NRXN1: variants seen among roughly 807,000 people sequenced by gnomAD.
The protein encoded by NRXN1 is neurexin-1.
In NRXN1, 39 loss-of-function variants were observed where a neutral mutation model predicts 150.9. The observed-to-expected ratio is 0.26, with a 90% CI of 0.20 to 0.34. The LOEUF (loss-of-function observed/expected upper bound fraction) is 0.34. NRXN1 is among the 10% of genes least tolerant of loss of function. The probability of loss-of-function intolerance (pLI) is 1.00; values close to 1 mark genes in which losing one functional copy is unlikely to be tolerated. For synonymous variants in NRXN1, 924 were observed against 757.0 expected (o/e 1.22, Z -3.62); for missense variants, 1,815 against 1,949.9 (o/e 0.93, Z 1.30).
intron 21 of NRXN1, among the ~76,000 whole-genome samples, chr2:49,986,022 T>C (rs1680846039): frequency 6.6e-6 from 1 of 152,184 alleles, no homozygotes. Context: ...CTTTATACTC[T>C]GAAGACCACT....
At chr2:50,384,216 T>C (rs1285725421) in intron 17 of NRXN1, among the ~76,000 whole-genome samples, 3 of 152,130 alleles carry the variant, frequency 2.0e-5, no homozygotes, top group African/African-American at 4.8e-5. Context: ...CTTTAAACAA[T>C]GCATTCTCAG....
In NRXN1 at chr2:50,617,019, G is replaced by T. The variant is rs976289444; in HGVS notation, c.1320+3003C>A. ...ACTTCACAAAGCTGACCTATTTGAAGTAGGGTGATTTAACTCACAATCCAT... is the reference window on the plus strand; with the variant it reads ...ACTTCACAAAGCTGACCTATTTGAATTAGGGTGATTTAACTCACAATCCAT... On this transcript the variant is annotated intron_variant, in intron 8 of 22. Transcript: ENST00000401669. 2.6e-5 allele frequency among the ~76,000 whole-genome samples: 4 copies of T among 152,144 alleles called. No individual in the cohort carries two copies. In the South Asian group the frequency reaches 6.2e-4, roughly 24 times the overall value.
chr2:50,011,744 C>G (rs753785384), intron 21 of NRXN1, among the ~76,000 whole-genome samples: 1 of 152,030 alleles, frequency 6.6e-6, no homozygotes, highest in Non-Finnish European at 1.5e-5. Flanking sequence ...CAAGATTCCT[C>G]TTCTTTAAAT....
At chr2:50,714,792 C>T (rs1695651505) in intron 5 of NRXN1, among the ~76,000 whole-genome samples, 1 of 152,120 alleles carries the variant, frequency 6.6e-6, no homozygotes, top group African/African-American at 2.4e-5. Flanking sequence ...GAGTCAGGAT[C>T]CCTAGCTCCA....
chr2:50,578,208 C>T (rs1671728049), intron 8 of NRXN1, among the ~76,000 whole-genome samples: 1 of 152,092 alleles, frequency 6.6e-6, no homozygotes, highest in Admixed American at 6.5e-5. Context: ...AGCCCTTGAA[C>T]AAAACTAAAC....
In NRXN1 at chr2:50,620,121, C is replaced by G; in HGVS notation, c.1221G>C (p.Met407Ile). ...CATAGAAAAAGTCATCAGACCCCAG[C>G]ATGGTATAATCTTCTTGCGTGTAGC... Reference protein sequence around the residue: ...TTGYTQEDYTMLGSDDFFYVG... With the variant: ...TTGYTQEDYTILGSDDFFYVG... The change falls in exon 8 of 23, where the codon ATG (methionine) becomes ATC (isoleucine). Residue 407 changes from methionine (M) to isoleucine (I), a missense_variant. This residue lies in a region of NRXN1 where 638 missense variants were observed against 652.6 expected (regional missense o/e 0.98). Coordinates refer to ENST00000401669, the MANE Select transcript of NRXN1 (RefSeq NM_001330078.2). The G allele has an allele frequency of 6.2e-7, 1 of 1,613,506 alleles. No homozygotes were observed. The highest frequency in any genetic ancestry group is 1.1e-5 in the South Asian group (1 of 91,048).
chr2:49,951,718 T>C (rs572832690), intron 21 of NRXN1, among the ~76,000 whole-genome samples: 1 of 152,202 alleles, frequency 6.6e-6, no homozygotes, highest in Non-Finnish European at 1.5e-5. Flanking sequence ...AGTCCTATTA[T>C]GGATTAGTCA....
intron 5 of NRXN1, among the ~76,000 whole-genome samples, chr2:50,811,419 C>A (rs997888705): frequency 6.6e-6 from 1 of 152,142 alleles, no homozygotes; most frequent in Non-Finnish European, 1.5e-5. Context: ...ATGTCACAGA[C>A]AAAGAATCAA....
At chr2:50,250,373 A>G (rs2066920349) in intron 17 of NRXN1, among the ~76,000 whole-genome samples, 1 of 152,174 alleles carries the variant, frequency 6.6e-6, no homozygotes, top group South Asian at 2.1e-4. Context: ...AAAAGGCACA[A>G]AATTTGGTTT....
chr2:50,575,494 C>T (rs1671306573), intron 8 of NRXN1, among the ~76,000 whole-genome samples: 1 of 152,094 alleles, frequency 6.6e-6, no homozygotes, highest in African/African-American at 2.4e-5. Context: ...TCCCGCATAC[C>T]GTTTAATGAC....
intron 5 of NRXN1, among the ~76,000 whole-genome samples, chr2:50,828,829 C>T (rs1670937009): frequency 6.6e-6 from 1 of 152,184 alleles, no homozygotes; most frequent in Admixed American, 6.5e-5. Flanking sequence ...GACGGGGTGG[C>T]GGCCAGGCAG....
chr2:49,939,829 G>A (rs573239695), intron 22 of NRXN1, among the ~76,000 whole-genome samples: 1 of 151,982 alleles, frequency 6.6e-6, no homozygotes, highest in Non-Finnish European at 1.5e-5. Context: ...TTCTATTTTT[G>A]CTCCCAGAGC....
intron 5 of NRXN1, among the ~76,000 whole-genome samples, chr2:50,731,396 C>T (rs1698088029): frequency 6.6e-6 from 1 of 152,160 alleles, no homozygotes; most frequent in African/African-American, 2.4e-5. Context: ...TTTAAATGCA[C>T]TTATATTCAC....
chr2:50,953,249 G>C (rs1248043964), intron 2 of NRXN1, among the ~76,000 whole-genome samples: 1 of 152,154 alleles, frequency 6.6e-6, no homozygotes, highest in Non-Finnish European at 1.5e-5. Flanking sequence ...ATACCTCAAT[G>C]TCTCTGAGTC....
At chr2:50,576,418 T>C (rs1295572228) in intron 8 of NRXN1, among the ~76,000 whole-genome samples, 1 of 152,166 alleles carries the variant, frequency 6.6e-6, no homozygotes, top group Non-Finnish European at 1.5e-5. Context: ...AATTCCTTTT[T>C]ATAGTTGCAT....
At chr2:50,755,521 G>C (rs1445371616) in intron 5 of NRXN1, among the ~76,000 whole-genome samples, 8 of 151,736 alleles carry the variant, frequency 5.3e-5, no homozygotes, top group African/African-American at 1.2e-4. Flanking sequence ...AAGAGCCTGT[G>C]ATCCACAAAA....
intron 17 of NRXN1, among the ~76,000 whole-genome samples, chr2:50,442,923 GA>G: frequency 6.6e-6 from 1 of 152,136 alleles, no homozygotes; most frequent in South Asian, 2.1e-4. Context: ...GATGATATCT[GA>G]AAAATATTTA....
At chr2:49,957,999 A>G (rs1675280323) in intron 21 of NRXN1, among the ~76,000 whole-genome samples, 1 of 152,164 alleles carries the variant, frequency 6.6e-6, no homozygotes, top group Non-Finnish European at 1.5e-5. Flanking sequence ...TCTTACTGAA[A>G]TTTTAAGTAA....
chr2:50,219,892 TAC>T (rs1286837616), intron 18 of NRXN1, among the ~76,000 whole-genome samples: 1 of 93,328 alleles, frequency 1.1e-5, no homozygotes. Context: ...TACATATATA[TAC>T]ACACACATAT....
Sources: gnomAD v4.1 joint callset for allele counts (sites outside exome capture counted in the v4.1 genomes callset) on GRCh38, gnomAD v4.1.1 for gene constraint, gnomAD v4.1.1 regional missense constraint, MANE v1.5 for transcripts, NCBI Gene and HGNC (gene_info 2026-07-23, HGNC 2026-07-21) for gene names.